The following RRP36 variants were observed in gnomAD, a reference collection of about 807,000 sequenced individuals.
RRP36 encodes the protein ribosomal RNA processing 36.
Under a neutral mutation model 39.8 loss-of-function variants are expected in RRP36, and 44 were observed. The ratio of observed to expected loss-of-function variants is 1.10; its 90% CI spans 0.87 to 1.42. The LOEUF is 1.42. RRP36 is among the 40% of genes most tolerant of loss of function. The probability of loss-of-function intolerance (pLI) is 0.00; values close to 1 mark genes in which losing one functional copy is unlikely to be tolerated. For missense variants in RRP36, 316 were observed against 322.4 expected, an observed-to-expected ratio of 0.98 and a Z score of 0.15; for synonymous variants, 124 against 123.1, an observed-to-expected ratio of 1.01 and a Z score of -0.05.
At chr6:43,028,099 G>T (rs991190755) in intron 6 of RRP36, among the ~76,000 whole-genome samples, 1 of 136,928 alleles carries the variant, frequency 7.3e-6, no homozygotes, top group Non-Finnish European at 1.6e-5. Flanking sequence ...AGGCCAGTGT[G>T]GGGGGGTCAC....
chr6:43,027,337 C>T, intron 5 of RRP36, 23 bp from the exon 6 acceptor site: 1 of 1,613,206 alleles, frequency 6.2e-7, no homozygotes, highest in Non-Finnish European at 8.5e-7. Flanking sequence ...CTCCCGTTCA[C>T]CCATCTCATC....
At chr6:43,023,668 G>A (rs1440975180) in intron 1 of RRP36, among the ~76,000 whole-genome samples, 2 of 151,954 alleles carry the variant, frequency 1.3e-5, no homozygotes, top group Non-Finnish European at 1.5e-5. Flanking sequence ...CTCCAGCCTC[G>A]TGACAGAGTG....
intron 1 of RRP36, 94 bp from the exon 2 acceptor site, chr6:43,024,891 T>C: frequency 6.9e-7 from 1 of 1,439,056 alleles, no homozygotes. Context: ...GATGGGGTAT[T>C]AGGATTAGCT....
rs529110779 is a variant in RRP36 at position 43,028,109 on chromosome 6, C to T, written c.643+632C>T. 2.6e-5 allele frequency among the ~76,000 whole-genome samples: 4 copies of T among 152,092 alleles called. No homozygotes were observed. In the East Asian group the frequency reaches 5.8e-4, roughly 22 times the overall value. ...ATGGGAGGCCAGTGTGGGGGGGTCA[C>T]GAGGTCAGGAGTTCGAGACCAGCCT... On this transcript the variant is annotated intron_variant, in intron 6 of 6. Coordinates refer to ENST00000244496, the MANE Select transcript of RRP36 (RefSeq NM_033112.4).
At chr6:43,022,487 C>T (rs1170936617) in intron 1 of RRP36, among the ~76,000 whole-genome samples, 1 of 152,068 alleles carries the variant, frequency 6.6e-6, no homozygotes, top group Admixed American at 6.5e-5. Context: ...CATGACGGCT[C>T]ACTGCGGCCT....
intron 3 of RRP36, 142 bp from the exon 4 acceptor site, chr6:43,025,895 T>C: frequency 1.9e-6 from 1 of 527,538 alleles, no homozygotes; most frequent in Non-Finnish European, 3.4e-6. Context: ...ATTGCACCAC[T>C]GCACTCCAGC....
intron 3 of RRP36, 71 bp from the exon 4 acceptor site, chr6:43,025,966 C>G (rs908208514): frequency 1.7e-6 from 2 of 1,151,356 alleles, no homozygotes; most frequent in African/African-American, 3.1e-5. Flanking sequence ...GAGGAAGAGA[C>G]AGGAAGCACT....
Position 43,027,389 on chromosome 6 carries a change from A to T in RRP36, c.555A>T (p.Arg185=), listed in dbSNP as rs1233373353. The T allele has an allele frequency of 6.2e-7, 1 of 1,614,248 alleles. No homozygotes were observed. Among genetic ancestry groups the T allele is most frequent in the East Asian group, 2.2e-5 (1 of 44,888 alleles). ...AGCAAGAAATGGCACAGCAGGAACG[A>T]AAGCAACAGCAGGAGCTGCACCTGG... The part of the protein sequence containing the change: ...MEQQEMAQQE[R]KQQQELHLAL... The change falls in exon 6 of 7, where the codon CGA becomes CGT. Residue 185 remains arginine, a synonymous_variant. Transcript: ENST00000244496.
rs1392754967 is a variant in RRP36 at position 43,027,064 on chromosome 6, A to C, written c.451-114A>C. The C allele has an allele frequency of 5.2e-6, 4 of 768,296 alleles. No individual in the cohort carries two copies. The East Asian group carries it at 1.2e-4, about 24-fold the overall frequency. The allele number at this position is 768,296 out of a possible 1,614,324, so 47.6% of individuals were successfully genotyped here. ...CTGTGACAGAGCAAGACTGCATCTC[A>C]AAAAAAAATGTGTGTGTGTGTATGT... On this transcript the variant is annotated intron_variant, in intron 4 of 6. Transcript: ENST00000244496.
At chr6:43,021,817 G>T (rs1762719216) in intron 1 of RRP36, 33 bp downstream of exon 1, 1 of 1,200,134 alleles carries the variant, frequency 8.3e-7, no homozygotes, top group Non-Finnish European at 1.0e-6. Flanking sequence ...GCTGGGGAGG[G>T]GAAGGAGATT....
intron 6 of RRP36, 32 bp downstream of exon 6, chr6:43,027,509 CAG>C (rs1225990355): frequency 1.0e-5 from 16 of 1,545,572 alleles, no homozygotes; most frequent in African/African-American, 2.7e-5. Flanking sequence ...CTAACAGGGA[CAG>C]GGGTGCAGGG....
intron 1 of RRP36, among the ~76,000 whole-genome samples, chr6:43,023,482 T>TC (rs1275405026): frequency 9.9e-5 from 15 of 151,878 alleles, no homozygotes; most frequent in African/African-American, 3.6e-4. Flanking sequence ...GATCACAAGG[T>TC]CAGGAGATCA....
At chr6:43,025,853 A>G (rs1762804782) in intron 3 of RRP36, among the ~76,000 whole-genome samples, 184 bp from the exon 4 acceptor site, 2 of 152,088 alleles carry the variant, frequency 1.3e-5, no homozygotes, top group South Asian at 4.1e-4. Context: ...GAATGGTGTG[A>G]ACTTGGGAGG....
intron 6 of RRP36, among the ~76,000 whole-genome samples, chr6:43,027,798 C>A (rs1251499270): frequency 1.6e-5 from 2 of 128,678 alleles, no homozygotes; most frequent in South Asian, 2.5e-4. Flanking sequence ...CACACACACA[C>A]AAACACAGAG....
Position 43,025,023 on chromosome 6 carries a change from C to T in RRP36, c.169C>T (p.Gln57Ter). ...GTCATTTGAGGAGCTGTTGGAATTG[C>T]AGAGCCAAGTGGGGACTAAGACGTA... ...NMSFEELLEL[Q>*]SQVGTKTYKQ... Residue 57 changes from glutamine (Q) to a stop codon, truncating the protein, a stop_gained, in exon 2 of 7, where the codon CAG becomes TAG. Transcript: ENST00000244496. LOFTEE classifies it high-confidence loss of function. The T allele has an allele frequency of 6.2e-7, 1 of 1,614,122 alleles. No homozygotes were observed. The highest frequency in any genetic ancestry group is 8.5e-7 in the Non-Finnish European group (1 of 1,180,032).
intron 1 of RRP36, among the ~76,000 whole-genome samples, chr6:43,022,867 G>A (rs1193696538): frequency 6.6e-6 from 1 of 151,780 alleles, no homozygotes; most frequent in Non-Finnish European, 1.5e-5. Context: ...TCCTGACCTC[G>A]TGATCCGCCC....
chr6:43,029,222 A>C lies in RRP36; in HGVS notation c.774A>C (p.Lys258Asn), dbSNP rs1477286080. ...ACAGGAGACATCTCCCTTTGAGCAAAGAGTAATAAGGAACTATCCTCTGCT... is the reference window on the plus strand; with the variant it reads ...ACAGGAGACATCTCCCTTTGAGCAACGAGTAATAAGGAACTATCCTCTGCT... ...GKDRRHLPLS[K>N]E The change falls in exon 7 of 7, where the codon AAA (lysine) becomes AAC (asparagine). Residue 258 changes from lysine (K) to asparagine (N), a missense_variant. Transcript: ENST00000244496. 1 of 1,614,218 alleles carries C rather than the reference A, an allele frequency of 6.2e-7. No homozygotes were observed. The highest frequency in any genetic ancestry group is 1.7e-5 in the Admixed American group (1 of 60,022).
rs1762809685 is a variant in RRP36 at position 43,026,103 on chromosome 6, T to C, written c.412T>C (p.Tyr138His). 1.2e-6 allele frequency: 2 copies of C among 1,613,774 alleles called. No homozygotes were observed. ...EYNPEVFDKTYQFLNDIRAKE... is the reference protein window; with the variant it reads ...EYNPEVFDKTHQFLNDIRAKE... The stretch of plus-strand genomic sequence containing the variant: ...TAATCCTGAGGTGTTTGACAAAACA[T>C]ACCAATTCTTGAATGACATCCGAGC... The change falls in exon 4 of 7, where the codon TAC becomes CAC. Residue 138 changes from tyrosine (Y) to histidine (H), a missense_variant. Coordinates refer to ENST00000244496, the MANE Select transcript of RRP36 (RefSeq NM_033112.4).
At chr6:43,028,105 G>T (rs982993124) in intron 6 of RRP36, among the ~76,000 whole-genome samples, 1 of 151,210 alleles carries the variant, frequency 6.6e-6, no homozygotes, top group Admixed American at 6.6e-5. Flanking sequence ...GTGTGGGGGG[G>T]TCACGAGGTC....
Sources: gnomAD v4.1 joint callset for allele counts (sites outside exome capture counted in the v4.1 genomes callset) on GRCh38, gnomAD v4.1.1 for gene constraint, MANE v1.5 for transcripts, NCBI Gene and HGNC (gene_info 2026-07-23, HGNC 2026-07-21) for gene names.